PBX1: variants seen among roughly 807,000 people sequenced by gnomAD.
PBX1 encodes pre-B-cell leukemia transcription factor 1.
Under a neutral mutation model 53.4 loss-of-function variants are expected in PBX1, and 6 were observed. The observed-to-expected ratio is 0.11, with a 90% confidence interval of 0.06 to 0.22. PBX1 has a LOEUF of 0.22. Ranked by LOEUF, PBX1 falls within the 10% of genes least tolerant of loss-of-function variation. The pLI is 1.00. For missense variants in PBX1, 251 were observed against 551.4 expected (o/e 0.46, Z 5.46); for synonymous variants, 204 against 212.3 (o/e 0.96, Z 0.34).
At chr1:164,787,559 G>T (rs958008919) in intron 2 of PBX1, 1 of 152,178 alleles carries the variant, frequency 6.6e-6, no homozygotes, top group East Asian at 1.9e-4. Context: ...AAAACAACCC[G>T]CCACACGGCC....
At chr1:164,875,988 G>GTATGTA (rs1553256088) in intron 2 of PBX1, among the ~76,000 whole-genome samples, 9 of 56,912 alleles carry the variant, frequency 1.6e-4, no homozygotes, top group Admixed American at 2.3e-4. Context: ...TGGTGTATGT[G>GTATGTA]TATATATATA....
chr1:164,876,351 G>T lies in PBX1; in HGVS notation n.258-22837G>T, dbSNP rs550545005. On this transcript the variant is annotated intron_variant and non_coding_transcript_variant, in intron 2 of 2. Coordinates refer to the PBX1 transcript ENST00000558796. Reference sequence around the variant, plus strand: ...CACAGTCTCCTCTGCTAGGAGGCCGGGCCTCCTGGCTCGGAGTTGCTGCGT... The same window carrying T: ...CACAGTCTCCTCTGCTAGGAGGCCGTGCCTCCTGGCTCGGAGTTGCTGCGT... Among the ~76,000 whole-genome samples the T allele has an allele frequency of 7.3e-5, 11 of 151,456 alleles. No homozygotes were observed. The South Asian group carries it at 2.1e-3, about 29-fold the overall frequency.
chr1:164,767,760 T>C lies in PBX1; in HGVS notation c.266-24734T>C, dbSNP rs368863050. 2.4e-4 allele frequency among the ~76,000 whole-genome samples: 37 copies of C among 152,302 alleles called. 1 individual carries two copies. The highest frequency in any genetic ancestry group is 8.7e-4 in the African/African-American group (36 of 41,556). On this transcript the variant is annotated intron_variant, in intron 2 of 8. Coordinates refer to ENST00000420696, the MANE Select transcript of PBX1 (RefSeq NM_002585.4). ...AGTGTAGATAAGGCTCATTCTTATG[T>C]AGAGGTCCCAGTACCTTCCACATAT... is the stretch of plus-strand genomic sequence containing the variant.
Position 164,571,877 on chromosome 1 carries a change from A to G in PBX1, c.265+8566A>G, listed in dbSNP as rs6697909. Among the ~76,000 whole-genome samples the G allele has an allele frequency of 3.0e-3, 168 of 55,558 alleles. 1 individual carries two copies. Among genetic ancestry groups the G allele is most frequent in the African/African-American group, 5.5e-3 (55 of 9,918 alleles). 36.4% of individuals were successfully genotyped at this position (55,558 alleles called of 152,430 possible). A position where few individuals can be genotyped will look rare whatever the true frequency, so the allele number is the denominator to read the frequency against. On this transcript the variant is annotated intron_variant, in intron 2 of 8. Coordinates refer to ENST00000420696, the MANE Select transcript of PBX1 (RefSeq NM_002585.4). The stretch of plus-strand genomic sequence containing the variant: ...ATATACAAAAATCTGTACATTGTAT[A>G]TATATATATATATATATATATATAT...
intron 2 of PBX1, among the ~76,000 whole-genome samples, chr1:164,738,388 C>T (rs1665414929): frequency 6.6e-6 from 1 of 152,138 alleles, no homozygotes; most frequent in Non-Finnish European, 1.5e-5. Flanking sequence ...TGGGCTCAAG[C>T]TATACTGCTG....
At chr1:164,645,151 C>T (rs1659377937) in intron 2 of PBX1, among the ~76,000 whole-genome samples, 1 of 152,166 alleles carries the variant, frequency 6.6e-6, no homozygotes, top group South Asian at 2.1e-4. Flanking sequence ...GAAATAAGGC[C>T]TCCAGCCTCA....
At chr1:164,604,004 G>A (rs887266382) in intron 2 of PBX1, among the ~76,000 whole-genome samples, 14 of 132,068 alleles carry the variant, frequency 1.1e-4, no homozygotes, top group African/African-American at 3.8e-4. Context: ...GCAGTGGCAC[G>A]ATCACGGCTC....
chr1:164,593,892 A>C (rs1211325162), intron 2 of PBX1, among the ~76,000 whole-genome samples: 1 of 152,116 alleles, frequency 6.6e-6, no homozygotes, highest in African/African-American at 2.4e-5. Flanking sequence ...CTCAGAGTTC[A>C]TTCATGCCTG....
intron 2 of PBX1, among the ~76,000 whole-genome samples, chr1:164,594,730 T>A (rs568011577): frequency 8.7e-4 from 133 of 152,378 alleles, no homozygotes; most frequent in Non-Finnish European, 1.2e-3. Flanking sequence ...ATAAAAATGT[T>A]AATGAGATAT....
At chr1:164,754,025 C>T (rs1350374948) in intron 2 of PBX1, among the ~76,000 whole-genome samples, 1 of 152,092 alleles carries the variant, frequency 6.6e-6, no homozygotes, top group Non-Finnish European at 1.5e-5. Context: ...GTTCCCTTGG[C>T]CACTGGAAGG....
intron 8 of PBX1, among the ~76,000 whole-genome samples, chr1:164,826,879 A>AC (rs1021615630): frequency 3.3e-5 from 5 of 151,120 alleles, no homozygotes; most frequent in Non-Finnish European, 7.3e-5. Context: ...AATTTATGAC[A>AC]CAAAAAAAAC....
chr1:164,829,281 C>A lies in PBX1; in HGVS notation c.1200+7655C>A, dbSNP rs558166332. ...CATTTACACACATATAATCATACTC[C>A]TATCAACTATAAATATATGAATTGC... On this transcript the variant is annotated intron_variant, in intron 8 of 8. Coordinates refer to ENST00000420696, the MANE Select transcript of PBX1 (RefSeq NM_002585.4). 3.9e-5 allele frequency: 6 copies of A among 152,266 alleles called. No individual in the cohort carries two copies. In the South Asian group the frequency reaches 1.2e-3, roughly 32 times the overall value. 9.4% of individuals were successfully genotyped at this position (152,266 alleles called of 1,614,324 possible).
At chr1:164,766,971 G>A (rs1022150187) in intron 2 of PBX1, among the ~76,000 whole-genome samples, 5 of 151,622 alleles carry the variant, frequency 3.3e-5, no homozygotes, top group Admixed American at 1.3e-4. Context: ...CTCGTGATCC[G>A]CCCGCCTCAG....
At chr1:164,869,154 T>C (rs542250333) in intron 2 of PBX1, among the ~76,000 whole-genome samples, 2 of 152,348 alleles carry the variant, frequency 1.3e-5, no homozygotes, top group East Asian at 3.9e-4. Context: ...ATTTAGAACA[T>C]TGTGCAACAG....
intron 7 of PBX1, 107 bp from the exon 8 acceptor site, chr1:164,821,430 T>C: frequency 1.2e-6 from 1 of 816,396 alleles, no homozygotes; most frequent in East Asian, 2.5e-5. Flanking sequence ...CCAAAATGAT[T>C]GCATTAATAT....
intron 2 of PBX1, among the ~76,000 whole-genome samples, chr1:164,626,426 G>T (rs1262849220): frequency 6.6e-6 from 1 of 152,172 alleles, no homozygotes; most frequent in East Asian, 1.9e-4. Context: ...CTGCTAGTGG[G>T]TGGGTAAGTG....
chr1:164,601,846 A>C (rs932080688), intron 2 of PBX1, among the ~76,000 whole-genome samples: 42 of 152,084 alleles, frequency 2.8e-4, no homozygotes, highest in Non-Finnish European at 5.1e-4. Flanking sequence ...TTGAGAGAGC[A>C]CCTTTAAAAG....
Position 164,849,031 on chromosome 1 carries a change from G to A in PBX1, c.*2355G>A. 8.1e-7 allele frequency: 1 copy of A among 1,232,614 alleles called. No individual in the cohort carries two copies. Among genetic ancestry groups the A allele is most frequent in the Non-Finnish European group, 1.0e-6 (1 of 980,256 alleles). 76.4% of individuals were successfully genotyped at this position (1,232,614 alleles called of 1,614,324 possible). On this transcript the variant is annotated 3_prime_UTR_variant, in exon 9 of 9. Coordinates refer to ENST00000420696, the MANE Select transcript of PBX1 (RefSeq NM_002585.4). ...AGCATTTTTGTGACAACTTCATAGTGATTAGAATCAGTGGAGAACTCCATC... is the reference window on the plus strand; with the variant it reads ...AGCATTTTTGTGACAACTTCATAGTAATTAGAATCAGTGGAGAACTCCATC...
chr1:164,719,204 G>A (rs889374840), intron 2 of PBX1, among the ~76,000 whole-genome samples: 1 of 152,130 alleles, frequency 6.6e-6, no homozygotes, highest in African/African-American at 2.4e-5. Context: ...GCAACTCAAT[G>A]ATGAGCCATT....
Sources: gnomAD v4.1 joint callset for allele counts (sites outside exome capture counted in the v4.1 genomes callset) on GRCh38, gnomAD v4.1.1 for gene constraint, MANE v1.5 for transcripts, NCBI Gene and HGNC (gene_info 2026-07-23, HGNC 2026-07-21) for gene names.